The following MYH9 variants were observed in gnomAD, a reference collection of about 807,000 sequenced individuals.
MYH9 encodes myosin-9.
A neutral mutation model predicts 241.9 loss-of-function variants in MYH9; 29 were observed. That is an observed-to-expected ratio of 0.12 (90% confidence interval 0.09 to 0.16). The LOEUF (loss-of-function observed/expected upper bound fraction) is 0.16, where lower values mean the gene tolerates loss of function less well. Ranked by LOEUF, MYH9 falls within the 10% of genes least tolerant of loss-of-function variation. The pLI is 1.00. For synonymous variants in MYH9, 1,047 were observed against 1,062.6 expected (o/e 0.99, Z 0.29); for missense variants, 1,803 against 2,595.5 (o/e 0.69, Z 6.63).
At chr22:36,296,082 GACAGGTC>G (rs2016782886) in intron 25 of MYH9, among the ~76,000 whole-genome samples, 1 of 152,236 alleles carries the variant, frequency 6.6e-6, no homozygotes. Context: ...AGATGGTTAT[GACAGGTC>G]AACGTAGGTT....
At position 36,285,392 on chromosome 22, in the gene MYH9, G is replaced by A; in HGVS notation, c.5275-63C>T. 6.5e-7 allele frequency: 1 copy of A among 1,545,536 alleles called. No homozygotes were observed. Among genetic ancestry groups the A allele is most frequent in the Non-Finnish European group, 8.9e-7 (1 of 1,129,942 alleles). ...GGCCCTGGCTGGAGGGCATGAGCAG[G>A]GCCAGAGGAAGGTGGCAGCAGGATC... On this transcript the variant is annotated intron_variant, in intron 37 of 40. Transcript: ENST00000216181. The surrounding 1 kb of genome is among the most constrained non-coding windows in gnomAD (Gnocchi z 7.0).
chr22:36,284,997 G>T (rs1199785119), intron 38 of MYH9, 124 bp downstream of exon 38: 6 of 899,992 alleles, frequency 6.7e-6, no homozygotes, highest in Non-Finnish European at 1.0e-5. Flanking sequence ...CCATCAGGAG[G>T]GAGGGAAACA....
intron 21 of MYH9, 30 bp downstream of exon 21, chr22:36,301,504 G>A (rs760146728): frequency 1.1e-5 from 17 of 1,611,496 alleles, no homozygotes; most frequent in Non-Finnish European, 1.3e-5. Context: ...CAGGTCGTGC[G>A]ACCTGGACTG....
chr22:36,362,804 A>T (rs9607337), intron 1 of MYH9, among the ~76,000 whole-genome samples: 58,548 of 152,008 alleles, frequency 0.39, 14,000 homozygotes, highest in Non-Finnish European at 0.54. Context: ...AATAAATCAA[A>T]CAACCAATGA....
At position 36,286,027 on chromosome 22, in the gene MYH9, C is replaced by A. The variant is rs574249866; in HGVS notation, c.5062-74G>T. ...AGACCATCCTTCCCAGCCCCAGGCA[C>A]CCTCCCCTCAAGCCCTTCCCCAGGC... is the stretch of plus-strand genomic sequence containing the variant. On this transcript the variant is annotated intron_variant, in intron 35 of 40. Transcript: ENST00000216181. The A allele has an allele frequency of 4.5e-6, 7 of 1,547,008 alleles. No homozygotes were observed. The East Asian group carries it at 9.1e-5, about 20-fold the overall frequency.
At chr22:36,374,701 T>G in intron 1 of MYH9, among the ~76,000 whole-genome samples, 1 of 152,184 alleles carries the variant, frequency 6.6e-6, no homozygotes, top group East Asian at 1.9e-4. Flanking sequence ...AGTGGAATCC[T>G]GCACTCCCAC....
At chr22:36,294,633 A>C (rs1486515298) in intron 27 of MYH9, among the ~76,000 whole-genome samples, 1 of 152,260 alleles carries the variant, frequency 6.6e-6, no homozygotes, top group African/African-American at 2.4e-5. Context: ...GTAACGCAAT[A>C]AGGGGAACTA....
chr22:36,365,366 C>A (rs1294738864), intron 1 of MYH9, among the ~76,000 whole-genome samples: 1 of 152,220 alleles, frequency 6.6e-6, no homozygotes, highest in Non-Finnish European at 1.5e-5. Flanking sequence ...CAGCTCAGCT[C>A]GGGCCTGGAG....
At chr22:36,319,289 T>C (rs559674469) in intron 10 of MYH9, among the ~76,000 whole-genome samples, 1 of 152,236 alleles carries the variant, frequency 6.6e-6, no homozygotes, top group South Asian at 2.1e-4. Flanking sequence ...GACGAATGGT[T>C]TGGTCTCAGG....
chr22:36,284,123 C>A lies in MYH9; in HGVS notation c.5735G>T (p.Arg1912Leu). 1.2e-6 allele frequency: 2 copies of A among 1,614,210 alleles called. No individual in the cohort carries two copies. Among genetic ancestry groups the A allele is most frequent in the Non-Finnish European group, 1.7e-6 (2 of 1,180,028 alleles). The change falls in exon 40 of 41, where the codon CGC becomes CTC. Residue 1912 changes from arginine to leucine, a missense_variant. By Grantham distance (102) the Arg-to-Leu change is moderately radical. This residue lies in a region of MYH9 where 876 missense variants were observed against 1,077.8 expected (regional missense o/e 0.81). Transcript: ENST00000216181. ...CTTGTTCTTTAGGGAGCTGACTTCG[C>A]GGTTCATGGCATCGGCCGTCTCAGT... is the stretch of plus-strand genomic sequence containing the variant. The part of the protein sequence containing the change: ...DATETADAMN[R>L]EVSSLKNKLR...
Position 36,309,367 on chromosome 22 carries a change from C to A in MYH9, c.1758G>T (p.Met586Ile). Reference protein sequence around the residue: ...KVDYKADEWLMKNMDPLNDNI... With the variant: ...KVDYKADEWLIKNMDPLNDNI... ...TGTCATTCAGGGGATCCATGTTCTT[C>A]ATCAGCCACTCGTCAGCTTTGTAAT... Residue 586 changes from methionine (M) to isoleucine (I), a missense_variant, in exon 15 of 41, where the codon ATG becomes ATT. Physicochemically the swap from Met to Ile is conservative, Grantham distance 10. Around this residue, in one of 11 missense-constraint regions of MYH9, gnomAD observed 163 missense variants for 349.7 expected, o/e 0.47. Transcript: ENST00000216181. 2 of 1,614,198 alleles carry A rather than the reference C, an allele frequency of 1.2e-6. No homozygotes were observed. The highest frequency in any genetic ancestry group is 2.7e-5 in the African/African-American group (2 of 75,048).
chr22:36,285,069 GC>G lies in MYH9; in HGVS notation c.5483+51del. On this transcript the variant is annotated intron_variant, in intron 38 of 40. Transcript: ENST00000216181. The surrounding 1 kb of genome is among the most constrained non-coding windows in gnomAD (Gnocchi z 7.0). ...CAGATTTGGGCAGGACTGCAGGGGG[GC>G]CAGAGTTTTTTCCAGGACAGCTGGG... 1 of 1,564,394 alleles carries G rather than the reference GC, an allele frequency of 6.4e-7. No individual in the cohort carries two copies. Among genetic ancestry groups the G allele is most frequent in the Non-Finnish European group, 8.8e-7 (1 of 1,141,184 alleles).
chr22:36,334,871 A>G (rs1188800410), intron 3 of MYH9, among the ~76,000 whole-genome samples: 3 of 152,192 alleles, frequency 2.0e-5, no homozygotes, highest in Non-Finnish European at 4.4e-5. Context: ...GAGTGAGTTG[A>G]CTTGCTCCAG....
At chr22:36,290,671 T>C (rs2146333706) in intron 31 of MYH9, among the ~76,000 whole-genome samples, 1 of 148,496 alleles carries the variant, frequency 6.7e-6, no homozygotes, top group African/African-American at 2.5e-5. Context: ...GGGGTGTCTC[T>C]GCCCGGCCGC....
intron 40 of MYH9, among the ~76,000 whole-genome samples, chr22:36,283,241 AAG>A (rs967418018): frequency 5.3e-5 from 8 of 152,188 alleles, no homozygotes; most frequent in Non-Finnish European, 1.0e-4. Flanking sequence ...TGCTTACAAA[AAG>A]AGCCCCATGA....
At chr22:36,381,623 TACTG>T (rs1367514384) in intron 1 of MYH9, among the ~76,000 whole-genome samples, 1 of 151,998 alleles carries the variant, frequency 6.6e-6, no homozygotes, top group East Asian at 1.9e-4. Flanking sequence ...TTTCCAGAAA[TACTG>T]CATGCACAGA....
At position 36,338,212 on chromosome 22, in the gene MYH9, C is replaced by G. The variant is rs547382855; in HGVS notation, c.490+3158G>C. Among the ~76,000 whole-genome samples, 31 of 152,038 alleles carry G rather than the reference C, an allele frequency of 2.0e-4. No individual in the cohort carries two copies. The South Asian group carries it at 6.2e-3, about 31-fold the overall frequency. The stretch of plus-strand genomic sequence containing the variant: ...ACAGGGTTTCGCCATGTTGACCAGA[C>G]TGGTCTCAAACTCCTGACCTCAGGT... On this transcript the variant is annotated intron_variant, in intron 3 of 40. Transcript: ENST00000216181.
At chr22:36,301,863 G>C (rs887814180) in intron 20 of MYH9, 198 bp from the exon 21 acceptor site, 4 of 663,434 alleles carry the variant, frequency 6.0e-6, no homozygotes, top group African/African-American at 5.4e-5. Flanking sequence ...ACATTCCAGG[G>C]AAACTATCCC....
At chr22:36,308,626 C>A (rs1242468368) in intron 15 of MYH9, among the ~76,000 whole-genome samples, 1 of 151,940 alleles carries the variant, frequency 6.6e-6, no homozygotes, top group East Asian at 1.9e-4. Flanking sequence ...TACTACAGGC[C>A]GGCGATAGGC....
Sources: gnomAD v4.1 joint callset for allele counts (sites outside exome capture counted in the v4.1 genomes callset) on GRCh38, gnomAD v4.1.1 for gene constraint, gnomAD v4.1.1 regional missense constraint, Gnocchi (gnomAD v3.1) non-coding constraint, MANE v1.5 for transcripts, NCBI Gene and HGNC (gene_info 2026-07-23, HGNC 2026-07-21) for gene names.